The following KIAA1958 variants were observed in gnomAD, a reference collection of about 807,000 sequenced individuals.
KIAA1958 encodes the protein uncharacterized protein KIAA1958.
In KIAA1958, 14 loss-of-function variants were observed where a neutral mutation model predicts 47.2. That is an observed-to-expected ratio of 0.30 (90% CI 0.20 to 0.46). The LOEUF (loss-of-function observed/expected upper bound fraction) is 0.46. KIAA1958 is among the 20% of genes least tolerant of loss of function. The probability of loss-of-function intolerance (pLI) is 1.00; values close to 1 mark genes in which losing one functional copy is unlikely to be tolerated. For synonymous variants in KIAA1958, 354 were observed against 353.3 expected (o/e 1.00, Z -0.02); for missense variants, 803 against 909.2 (o/e 0.88, Z 1.50).
chr9:112,617,663 C>T (rs1434090109), intron 2 of KIAA1958, among the ~76,000 whole-genome samples: 7 of 152,122 alleles, frequency 4.6e-5, no homozygotes, highest in Non-Finnish European at 2.9e-5. Flanking sequence ...TTGTAATGGG[C>T]CATATGCTTG....
intron 1 of KIAA1958, among the ~76,000 whole-genome samples, chr9:112,535,437 A>G (rs141653265): frequency 6.6e-6 from 1 of 152,166 alleles, no homozygotes; most frequent in Admixed American, 6.5e-5. Context: ...AAGGCTTATT[A>G]GCAGTCCATT....
intron 1 of KIAA1958, among the ~76,000 whole-genome samples, chr9:112,544,878 T>G (rs1835002069): frequency 6.6e-6 from 1 of 152,184 alleles, no homozygotes; most frequent in Non-Finnish European, 1.5e-5. Flanking sequence ...GAAAAGAAAT[T>G]TTCCCCAGCT....
Position 112,659,513 on chromosome 9 carries a change from ACTT to A in KIAA1958, c.1598_1600del (p.Phe533del). The A allele has an allele frequency of 6.2e-7, 1 of 1,613,416 alleles. No individual in the cohort carries two copies. Among genetic ancestry groups the A allele is most frequent in the Non-Finnish European group, 8.5e-7 (1 of 1,179,664 alleles). On this transcript the variant is annotated inframe_deletion, in exon 4 of 4. Coordinates refer to ENST00000337530, the MANE Select transcript of KIAA1958 (RefSeq NM_133465.4). Reference sequence around the variant, plus strand: ...GGCGCGCGTTCTCGCAACATCGTCTACTTCTCCCTTTCTGACGAGGAGGAGATG... The same window carrying A: ...GGCGCGCGTTCTCGCAACATCGTCTACTCCCTTTCTGACGAGGAGGAGATG...
chr9:112,612,420 T>A (rs1564190445), intron 2 of KIAA1958, among the ~76,000 whole-genome samples: 1 of 152,112 alleles, frequency 6.6e-6, no homozygotes, highest in Non-Finnish European at 1.5e-5. Flanking sequence ...ATAAATATTG[T>A]TGTAATGAAT....
At chr9:112,567,958 T>TA (rs1835454866) in intron 1 of KIAA1958, among the ~76,000 whole-genome samples, 2 of 28,512 alleles carry the variant, frequency 7.0e-5, no homozygotes, top group African/African-American at 4.0e-4. Flanking sequence ...AGAATCCATC[T>TA]CAAAAAAAAA....
At chr9:112,647,875 G>GT in intron 3 of KIAA1958, among the ~76,000 whole-genome samples, 1 of 152,234 alleles carries the variant, frequency 6.6e-6, no homozygotes, top group Non-Finnish European at 1.5e-5. Flanking sequence ...TAATTTGAGG[G>GT]TAGGCAGAGA....
At chr9:112,565,839 A>T (rs1399788489) in intron 1 of KIAA1958, among the ~76,000 whole-genome samples, 1 of 152,220 alleles carries the variant, frequency 6.6e-6, no homozygotes, top group African/African-American at 2.4e-5. Flanking sequence ...GAGCCTCTCC[A>T]TGAGATTGGC....
intron 2 of KIAA1958, chr9:112,617,933 CAG>C: frequency 6.4e-7 from 1 of 1,550,574 alleles, no homozygotes; most frequent in Non-Finnish European, 8.7e-7. Flanking sequence ...CCGGAGCACG[CAG>C]ACCGCGCTCC....
chr9:112,523,172 A>C (rs1170295538), intron 1 of KIAA1958, among the ~76,000 whole-genome samples: 3 of 152,120 alleles, frequency 2.0e-5, no homozygotes, highest in Admixed American at 6.5e-5. Flanking sequence ...AATGCTAGGG[A>C]TTGAGGGTGG....
chr9:112,555,172 C>G (rs1456950196), intron 1 of KIAA1958, among the ~76,000 whole-genome samples: 1 of 152,160 alleles, frequency 6.6e-6, no homozygotes, highest in Non-Finnish European at 1.5e-5. Context: ...ACTGGAGCAG[C>G]AAGGCCTGGT....
chr9:112,510,821 CAGAG>C (rs773023579), intron 1 of KIAA1958, among the ~76,000 whole-genome samples: 8 of 151,904 alleles, frequency 5.3e-5, no homozygotes, highest in South Asian at 4.2e-4. Context: ...ACAGTAGTCT[CAGAG>C]AGCTTTTCTA....
chr9:112,643,803 G>A (rs967277188), intron 2 of KIAA1958, among the ~76,000 whole-genome samples: 5 of 152,164 alleles, frequency 3.3e-5, no homozygotes, highest in African/African-American at 1.2e-4. Context: ...AAGAGAATAA[G>A]GGAGTGGAGT....
intron 1 of KIAA1958, among the ~76,000 whole-genome samples, chr9:112,492,954 G>T (rs189886985): frequency 7.9e-6 from 1 of 126,906 alleles, no homozygotes; most frequent in Non-Finnish European, 1.6e-5. Flanking sequence ...TGAGGCCTGT[G>T]TGTCCCAGAT....
rs534867622 is a variant in KIAA1958 at position 112,554,824 on chromosome 9, AT to A, written c.-24-19230del. Among the ~76,000 whole-genome samples the A allele has an allele frequency of 2.9e-3, 439 of 152,262 alleles. 2 individuals are homozygous for A. Among genetic ancestry groups the A allele is most frequent in the Non-Finnish European group, 4.5e-3 (309 of 68,026 alleles). On this transcript the variant is annotated intron_variant, in intron 1 of 3. Coordinates refer to ENST00000337530, the MANE Select transcript of KIAA1958 (RefSeq NM_133465.4). ...GCCTGATTTGGAAGAACCCTAGATG[AT>A]TTCACTGTACAGCCTGATTTGGAGC...
intron 2 of KIAA1958, among the ~76,000 whole-genome samples, chr9:112,602,451 A>G (rs1836150899): frequency 6.6e-6 from 1 of 152,210 alleles, no homozygotes; most frequent in African/African-American, 2.4e-5. Context: ...AGATGAATGC[A>G]TCTATGGAAG....
chr9:112,620,928 A>G lies in KIAA1958; in HGVS notation c.1172-24722A>G, dbSNP rs920917368. ...TCTTCAGACATATTGCAGTACTTAC[A>G]TATTTATTTCTATATATATTAATAT... On this transcript the variant is annotated intron_variant, in intron 2 of 3. Coordinates refer to ENST00000337530, the MANE Select transcript of KIAA1958 (RefSeq NM_133465.4). Among the ~76,000 whole-genome samples the G allele has an allele frequency of 5.3e-5, 8 of 152,328 alleles. 1 individual carries two copies. The South Asian group carries it at 6.2e-4, about 12-fold the overall frequency.
chr9:112,620,974 T>C (rs1836495240), intron 2 of KIAA1958, among the ~76,000 whole-genome samples: 1 of 152,196 alleles, frequency 6.6e-6, no homozygotes, highest in East Asian at 1.9e-4. Flanking sequence ...TTTGAAAAGG[T>C]GAGTTATCTT....
At chr9:112,637,413 G>A (rs761202185) in intron 2 of KIAA1958, among the ~76,000 whole-genome samples, 8 of 151,638 alleles carry the variant, frequency 5.3e-5, no homozygotes, top group Admixed American at 1.3e-4. Context: ...ATGGAGTTTC[G>A]CTCTTTTGCC....
In KIAA1958 at chr9:112,661,671, TC is replaced by T. The variant is rs1229521945; in HGVS notation, c.*1605del. On this transcript the variant is annotated 3_prime_UTR_variant, in exon 4 of 4. Coordinates refer to ENST00000337530, the MANE Select transcript of KIAA1958 (RefSeq NM_133465.4). ...ATGCTGCCTTAAGATTTAATGTTAT[TC>T]CCTTTTTAGTCACTGTGCATTTATA... is the stretch of plus-strand genomic sequence containing the variant. 3 of 152,354 alleles carry T rather than the reference TC, an allele frequency of 2.0e-5. No homozygotes were observed. Among genetic ancestry groups the T allele is most frequent in the South Asian group, 2.1e-4 (1 of 4,826 alleles). The allele number at this position is 152,354 out of a possible 1,614,324, so 9.4% of individuals were successfully genotyped here. A position where few individuals can be genotyped will look rare whatever the true frequency, so the allele number is the denominator to read the frequency against.
Sources: gnomAD v4.1 joint callset for allele counts (sites outside exome capture counted in the v4.1 genomes callset) on GRCh38, gnomAD v4.1.1 for gene constraint, MANE v1.5 for transcripts, NCBI Gene and HGNC (gene_info 2026-07-23, HGNC 2026-07-21) for gene names.